C4orf50: variants seen among roughly 807,000 people sequenced by gnomAD.
C4orf50 encodes uncharacterized protein C4orf50.
Under a neutral mutation model 77.2 loss-of-function variants are expected in C4orf50, and 80 were observed. That is an observed-to-expected ratio of 1.04 (90% CI 0.87 to 1.25). The LOEUF (loss-of-function observed/expected upper bound fraction) is 1.25, where lower values mean the gene tolerates loss of function less well. Among genes scored for constraint, C4orf50 ranks in the 50% most tolerant of loss-of-function variants. The pLI, the probability that C4orf50 is intolerant of heterozygous loss-of-function variation, is 0.00. For missense variants in C4orf50, 1,257 were observed against 1,152.9 expected, an observed-to-expected ratio of 1.09 and a Z score of -1.31; for synonymous variants, 532 against 465.3, an observed-to-expected ratio of 1.14 and a Z score of -1.84.
chr4:5,978,222 T>C (rs1720390935), intron 29 of C4orf50, among the ~76,000 whole-genome samples: 1 of 152,126 alleles, frequency 6.6e-6, no homozygotes, highest in African/African-American at 2.4e-5. Context: ...GGTGAGAACA[T>C]AAAATGAAGT....
chr4:5,973,987 A>G, intron 30 of C4orf50, 146 bp from the exon 9 acceptor site: 1 of 663,044 alleles, frequency 1.5e-6, no homozygotes, highest in South Asian at 2.0e-5. Context: ...CCTCCCTGCG[A>G]AGCCTCCCTG....
intron 7 of C4orf50, among the ~76,000 whole-genome samples, chr4:5,927,084 T>C (rs896577291): frequency 1.3e-5 from 2 of 152,148 alleles, no homozygotes; most frequent in African/African-American, 4.8e-5. Flanking sequence ...AGATGCATGC[T>C]TGTCAGATGG....
In C4orf50 at chr4:6,015,375, A is replaced by C. The variant is rs1054669332; in HGVS notation, c.287+2770T>G. On this transcript the variant is annotated intron_variant, in intron 23 of 33. Transcript: ENST00000531445. The surrounding 1 kb of genome is among the most constrained non-coding windows in gnomAD (Gnocchi z 4.4). Reference sequence around the variant, plus strand: ...GACACAGGGAGAAGGTGGAGTCCACAAGCCAAGGAGTGAGGCCTCAGGAGA... The same window carrying C: ...GACACAGGGAGAAGGTGGAGTCCACCAGCCAAGGAGTGAGGCCTCAGGAGA... Among the ~76,000 whole-genome samples the C allele has an allele frequency of 9.2e-5, 14 of 152,166 alleles. 1 individual carries two copies. Among genetic ancestry groups the C allele is most frequent in the African/African-American group, 1.2e-4 (5 of 41,450 alleles).
chr4:5,996,304 G>A lies in C4orf50; in HGVS notation c.964-1828C>T, dbSNP rs185974928. ...AAGCCTTCTCTGCTTGTTGCTCCAG[G>A]CCCCTCCCTTCCACGCACTGCTCAG... On this transcript the variant is annotated intron_variant, in intron 25 of 33. Transcript: ENST00000531445. Among the ~76,000 whole-genome samples the A allele has an allele frequency of 1.3e-3, 197 of 152,192 alleles. 2 individuals are homozygous for A. Among genetic ancestry groups the A allele is most frequent in the Admixed American group, 0.013 (196 of 15,292 alleles).
At chr4:5,967,307 T>C in intron 32 of C4orf50, 107 bp downstream of exon 10, 1 of 860,418 alleles carries the variant, frequency 1.2e-6, no homozygotes, top group Non-Finnish European at 2.0e-6. Flanking sequence ...TTTAGTAGCA[T>C]GAATGCGACA....
exon 34 of C4orf50, chr4:5,959,483 G>A (rs753427435): frequency 1.2e-6 from 2 of 1,614,216 alleles, no homozygotes; most frequent in Middle Eastern, 1.6e-4. Flanking sequence ...GGAGCTCAGA[G>A]GGTGCTGGGA....
In C4orf50 at chr4:5,965,278, G is replaced by GA. The variant is rs397807703; in HGVS notation, c.4154-134_4154-133insT. The GA allele has an allele frequency of 3.4e-6, 3 of 874,420 alleles. No homozygotes were observed. In the East Asian group the frequency reaches 7.8e-5, roughly 23 times the overall value. The allele number at this position is 874,420 out of a possible 1,614,324, so 54.2% of individuals were successfully genotyped here. A position where few individuals can be genotyped will look rare whatever the true frequency, so the allele number is the denominator to read the frequency against. The stretch of plus-strand genomic sequence containing the variant: ...TCATTCCCAGTTTCCATGCCCCGGG[G>GA]CAGAGGTCCTCTCAGATGCCTTTGA... On this transcript the variant is annotated intron_variant, in intron 32 of 33. Coordinates refer to ENST00000531445, the Ensembl canonical transcript of C4orf50.
At chr4:5,929,013 C>T (rs1421848199) in intron 7 of C4orf50, among the ~76,000 whole-genome samples, 1 of 152,194 alleles carries the variant, frequency 6.6e-6, no homozygotes, top group Non-Finnish European at 1.5e-5. Flanking sequence ...CATTGCATAG[C>T]TACCTCCTAA....
At chr4:5,995,461 G>T (rs960235979) in intron 25 of C4orf50, among the ~76,000 whole-genome samples, 2 of 141,572 alleles carry the variant, frequency 1.4e-5, no homozygotes, top group African/African-American at 5.3e-5. Flanking sequence ...CAGGGGAGAG[G>T]CTTGGGACTG....
Position 6,008,328 on chromosome 4 carries a change from G to T in C4orf50, c.631C>A (p.Arg211Ser). ...AGGAGGCCCGCGGCGCGGCAGAGGCGCCGCACGTTGCGCTCCAGCCGCTGC... is the reference window on the plus strand; with the variant it reads ...AGGAGGCCCGCGGCGCGGCAGAGGCTCCGCACGTTGCGCTCCAGCCGCTGC... Residue 211 changes from arginine (R) to serine (S), a missense_variant, in exon 25 of 34, where the codon CGC becomes AGC. Transcript: ENST00000531445. This position sits in a 1 kb window ranked among gnomAD's most constrained non-coding sequence, Gnocchi z 6.0. 1 of 388,814 alleles carries T rather than the reference G, an allele frequency of 2.6e-6. No homozygotes were observed. The allele number at this position is 388,814 out of a possible 1,614,324, so 24.1% of individuals were successfully genotyped here. A position where few individuals can be genotyped will look rare whatever the true frequency, so the allele number is the denominator to read the frequency against.
intron 7 of C4orf50, among the ~76,000 whole-genome samples, chr4:5,921,982 G>A (rs2108738484): frequency 6.6e-6 from 1 of 152,244 alleles, no homozygotes; most frequent in East Asian, 1.9e-4. Flanking sequence ...AGCCCCCGAA[G>A]GAACCTAATA....
chr4:5,967,564 GC>G (rs150258775), intron 31 of C4orf50, 102 bp from the exon 10 acceptor site: 7 of 1,018,002 alleles, frequency 6.9e-6, no homozygotes, highest in Middle Eastern at 2.1e-4. Flanking sequence ...ACCCCTCCCC[GC>G]AAAAAACCGC....
intron 7 of C4orf50, among the ~76,000 whole-genome samples, chr4:5,938,702 A>T (rs1404275118): frequency 6.6e-6 from 1 of 152,112 alleles, no homozygotes; most frequent in Non-Finnish European, 1.5e-5. Context: ...TTTTAATTCT[A>T]CTTAATATCA....
At chr4:5,966,308 T>C (rs552666329) in intron 32 of C4orf50, among the ~76,000 whole-genome samples, 44 of 152,092 alleles carry the variant, frequency 2.9e-4, no homozygotes, top group Admixed American at 2.3e-3. Flanking sequence ...AAACCCTGTC[T>C]CTACAAAAAT....
At chr4:5,914,733 T>C (rs1473918425) in intron 7 of C4orf50, among the ~76,000 whole-genome samples, 1 of 152,236 alleles carries the variant, frequency 6.6e-6, no homozygotes, top group Non-Finnish European at 1.5e-5. Context: ...TCCTATTCTA[T>C]AGCATTAAAG....
intron 30 of C4orf50, among the ~76,000 whole-genome samples, chr4:5,974,693 A>G (rs924087078): frequency 6.6e-6 from 1 of 152,220 alleles, no homozygotes; most frequent in Admixed American, 6.5e-5. Context: ...CCTCAGATCC[A>G]GGCCCATGTT....
At chr4:5,946,666 A>T (rs1417743615) in intron 7 of C4orf50, among the ~76,000 whole-genome samples, 1 of 152,176 alleles carries the variant, frequency 6.6e-6, no homozygotes, top group Non-Finnish European at 1.5e-5. Flanking sequence ...TATTGCCTTT[A>T]CCTATTTAGA....
intron 33 of C4orf50, among the ~76,000 whole-genome samples, chr4:5,963,510 A>T (rs2108765856): frequency 6.6e-6 from 1 of 152,282 alleles, no homozygotes; most frequent in East Asian, 1.9e-4. Context: ...ACTATAATAA[A>T]TACTTCATAT....
chr4:5,953,660 G>A (rs1289391494), downstream of C4orf50, among the ~76,000 whole-genome samples: 4 of 152,308 alleles, frequency 2.6e-5, no homozygotes, highest in Admixed American at 6.5e-5. Context: ...GCAGGAGGGC[G>A]CATGGGGGCA....
Sources: allele counts gnomAD v4.1 joint callset (sites outside exome capture counted in the v4.1 genomes callset), GRCh38; gene constraint gnomAD v4.1.1; non-coding constraint Gnocchi (gnomAD v3.1); transcripts MANE v1.5; gene names NCBI Gene and HGNC (gene_info 2026-07-23, HGNC 2026-07-21).